The following GRIA1 variants were observed in gnomAD, a reference collection of about 807,000 sequenced individuals.
GRIA1 encodes the protein glutamate receptor 1.
A neutral mutation model predicts 99.2 loss-of-function variants in GRIA1; 31 were observed. That is an observed-to-expected ratio of 0.31 (90% CI 0.23 to 0.42). GRIA1 has a LOEUF of 0.42. GRIA1 is among the 10% of genes least tolerant of loss of function. The pLI, the probability that GRIA1 is intolerant of heterozygous loss-of-function variation, is 1.00. For synonymous variants in GRIA1, 438 were observed against 432.4 expected (o/e 1.01, Z -0.16); for missense variants, 782 against 1,157.5 (o/e 0.68, Z 4.71).
At chr5:153,765,684 G>A (rs1763470826) in intron 12 of GRIA1, among the ~76,000 whole-genome samples, 1 of 151,982 alleles carries the variant, frequency 6.6e-6, no homozygotes, top group Non-Finnish European at 1.5e-5. Flanking sequence ...AGGAGTTGAA[G>A]AAACAGTACA....
At chr5:153,808,692 A>G (rs1766606320) in intron 15 of GRIA1, among the ~76,000 whole-genome samples, 1 of 152,210 alleles carries the variant, frequency 6.6e-6, no homozygotes, top group African/African-American at 2.4e-5. Context: ...TTTCAGAACT[A>G]GTGATGTAGT....
chr5:153,615,657 A>G (rs1375094863), intron 2 of GRIA1, among the ~76,000 whole-genome samples: 3 of 152,180 alleles, frequency 2.0e-5, no homozygotes, highest in Middle Eastern at 6.3e-3. Context: ...AAAATTGTTG[A>G]TAAAATAAAA....
At chr5:153,722,733 T>C (rs1258064847) in intron 11 of GRIA1, among the ~76,000 whole-genome samples, 1 of 152,194 alleles carries the variant, frequency 6.6e-6, no homozygotes, top group Non-Finnish European at 1.5e-5. Flanking sequence ...GATAACTGGT[T>C]CTGAGATGGA....
At chr5:153,600,568 C>G (rs945181778) in intron 2 of GRIA1, among the ~76,000 whole-genome samples, 2 of 151,900 alleles carry the variant, frequency 1.3e-5, no homozygotes, top group African/African-American at 4.8e-5. Flanking sequence ...ACCACTATAC[C>G]CAAAGCACCT....
At position 153,650,433 on chromosome 5, in the gene GRIA1, C is replaced by T; in HGVS notation, c.564C>T (p.Leu188=). Residue 188 remains leucine (L), a synonymous_variant, in exon 4 of 16, where the codon CTC becomes CTT. Coordinates refer to ENST00000285900, the MANE Select transcript of GRIA1 (RefSeq NM_000827.4). ...CCACAGAGGAGGGATACCGGATGCTCTTTCAGGACCTGGAGAAGAAAAAGG... is the reference window on the plus strand; with the variant it reads ...CCACAGAGGAGGGATACCGGATGCTTTTTCAGGACCTGGAGAAGAAAAAGG... ...LTTTEEGYRM[L]FQDLEKKKER... is the part of the protein sequence containing the mutation. 1 of 1,613,990 alleles carries T rather than the reference C, an allele frequency of 6.2e-7. No homozygotes were observed. Among genetic ancestry groups the T allele is most frequent in the South Asian group, 1.1e-5 (1 of 91,074 alleles).
intron 2 of GRIA1, among the ~76,000 whole-genome samples, chr5:153,638,679 A>C (rs1188490417): frequency 6.6e-6 from 1 of 152,212 alleles, no homozygotes; most frequent in Non-Finnish European, 1.5e-5. Flanking sequence ...GTCTTATATG[A>C]GGCACTTTTT....
intron 13 of GRIA1, among the ~76,000 whole-genome samples, chr5:153,785,419 C>CA (rs923387074): frequency 2.0e-5 from 3 of 151,666 alleles, no homozygotes; most frequent in Admixed American, 6.6e-5. Flanking sequence ...AGTAAAATTA[C>CA]AAAAAAATAA....
chr5:153,758,630 T>G (rs1762982354), intron 11 of GRIA1, among the ~76,000 whole-genome samples: 1 of 151,948 alleles, frequency 6.6e-6, no homozygotes, highest in South Asian at 2.1e-4. Flanking sequence ...CTTCAACACT[T>G]TCCACAATAG....
chr5:153,742,119 T>C (rs773845194), intron 11 of GRIA1, among the ~76,000 whole-genome samples: 10 of 152,020 alleles, frequency 6.6e-5, no homozygotes, highest in South Asian at 4.2e-4. Flanking sequence ...AAAAAAAATA[T>C]GTTGCTTTAG....
chr5:153,577,788 A>C (rs903405977), intron 2 of GRIA1, among the ~76,000 whole-genome samples: 2 of 152,234 alleles, frequency 1.3e-5, no homozygotes, highest in African/African-American at 4.8e-5. Flanking sequence ...ACCTGACTTC[A>C]TGGACCTTAG....
chr5:153,709,473 G>A (rs1195252519), intron 11 of GRIA1, among the ~76,000 whole-genome samples: 3 of 152,138 alleles, frequency 2.0e-5, no homozygotes, highest in African/African-American at 7.2e-5. Context: ...ACAAAATGTG[G>A]CTAAGTGTAA....
intron 2 of GRIA1, among the ~76,000 whole-genome samples, chr5:153,560,739 T>A (rs58437787): frequency 0.097 from 14,708 of 152,226 alleles, 786 homozygotes; most frequent in South Asian, 0.19. Context: ...GACAACAGAC[T>A]AGTCTAATAC....
At chr5:153,518,866 C>CGT (rs1373433833) in intron 2 of GRIA1, among the ~76,000 whole-genome samples, 1 of 152,138 alleles carries the variant, frequency 6.6e-6, no homozygotes, top group Non-Finnish European at 1.5e-5. Context: ...AGCCTGGCAT[C>CGT]GTGCTCCATG....
At chr5:153,674,379 T>C in intron 5 of GRIA1, 121 bp from the exon 6 acceptor site, 1 of 1,047,786 alleles carries the variant, frequency 9.5e-7, no homozygotes. Context: ...GGCCTAACTG[T>C]CTCTCCATTG....
In GRIA1 at chr5:153,813,483, C is replaced by A. The variant is rs1183285511; in HGVS notation, c.*2258C>A. ...CTATGCTATGAGGGGGTCCAAGACT[C>A]TGGCGAAATGTGCTTTTTCATCAAT... is the stretch of plus-strand genomic sequence containing the variant. On this transcript the variant is annotated 3_prime_UTR_variant, in exon 16 of 16. Transcript: ENST00000285900. The A allele has an allele frequency of 6.6e-6, 1 of 152,232 alleles. No homozygotes were observed. Among genetic ancestry groups the A allele is most frequent in the Non-Finnish European group, 1.5e-5 (1 of 68,046 alleles). The allele number at this position is 152,232 out of a possible 1,614,324, so 9.4% of individuals were successfully genotyped here.
chr5:153,795,226 G>C (rs1174819771), intron 14 of GRIA1, among the ~76,000 whole-genome samples: 2 of 152,154 alleles, frequency 1.3e-5, no homozygotes, highest in Non-Finnish European at 2.9e-5. Flanking sequence ...TTCAGCAGTA[G>C]ATGGTAGACG....
intron 14 of GRIA1, among the ~76,000 whole-genome samples, chr5:153,797,479 A>T (rs1437217863): frequency 6.6e-6 from 1 of 152,194 alleles, no homozygotes; most frequent in Non-Finnish European, 1.5e-5. Flanking sequence ...ACCTCTGGGG[A>T]CAATTTCCCA....
At chr5:153,694,065 C>T (rs539307058) in intron 8 of GRIA1, among the ~76,000 whole-genome samples, 2 of 152,278 alleles carry the variant, frequency 1.3e-5, no homozygotes, top group South Asian at 2.1e-4. Flanking sequence ...GGTTTGTTTA[C>T]AATTTCTAAC....
At chr5:153,664,008 A>G (rs1755564623) in intron 5 of GRIA1, among the ~76,000 whole-genome samples, 1 of 152,242 alleles carries the variant, frequency 6.6e-6, no homozygotes, top group Non-Finnish European at 1.5e-5. Context: ...CTGACAGAGC[A>G]TGGAAACTCA....
Sources: gnomAD v4.1 joint callset for allele counts (sites outside exome capture counted in the v4.1 genomes callset) on GRCh38, gnomAD v4.1.1 for gene constraint, MANE v1.5 for transcripts, NCBI Gene and HGNC (gene_info 2026-07-23, HGNC 2026-07-21) for gene names.